Variants in BMPR1B observed in about 807,000 individuals in gnomAD.
BMPR1B encodes the protein bone morphogenetic protein receptor type 1B.
A neutral mutation model predicts 59.1 loss-of-function variants in BMPR1B; 12 were observed. The ratio of observed to expected loss-of-function variants is 0.20; its 90% CI spans 0.13 to 0.33. BMPR1B has a LOEUF of 0.33. Among genes scored for constraint, BMPR1B ranks in the 10% least tolerant of loss-of-function variants. The pLI, the probability that BMPR1B is intolerant of heterozygous loss-of-function variation, is 1.00. For synonymous variants in BMPR1B, 237 were observed against 207.3 expected (o/e 1.14, Z -1.23); for missense variants, 550 against 610.9 (o/e 0.90, Z 1.05).
At chr4:94,841,253 G>A (rs1234685785) in intron 1 of BMPR1B, among the ~76,000 whole-genome samples, 5 of 146,724 alleles carry the variant, frequency 3.4e-5, no homozygotes, top group African/African-American at 1.3e-4. Flanking sequence ...GGAGCCTACA[G>A]AGGCAGGCAG....
intron 2 of BMPR1B, among the ~76,000 whole-genome samples, chr4:94,956,031 G>A (rs1410723918): frequency 6.6e-6 from 1 of 152,108 alleles, no homozygotes; most frequent in Non-Finnish European, 1.5e-5. Context: ...TTATTTAGTT[G>A]TGTTTGTGAT....
chr4:95,112,985 G>T (rs1371995454), intron 4 of BMPR1B, among the ~76,000 whole-genome samples: 2 of 152,004 alleles, frequency 1.3e-5, no homozygotes, highest in African/African-American at 4.8e-5. Context: ...AAATTAGGAT[G>T]ACCATATTTT....
chr4:94,970,318 TTCTC>T (rs1560573205), intron 2 of BMPR1B, among the ~76,000 whole-genome samples: 4 of 130,382 alleles, frequency 3.1e-5, no homozygotes, highest in African/African-American at 5.8e-5. Flanking sequence ...CTCTCTCTCT[TTCTC>T]TCTTTTTCTC....
At chr4:94,827,271 C>T (rs1032267893) in intron 1 of BMPR1B, among the ~76,000 whole-genome samples, 1 of 151,888 alleles carries the variant, frequency 6.6e-6, no homozygotes, top group African/African-American at 2.4e-5. Flanking sequence ...ATATAAAGTT[C>T]GTAATGCCTT....
At chr4:95,103,176 C>T (rs983881550) in intron 3 of BMPR1B, among the ~76,000 whole-genome samples, 4 of 151,604 alleles carry the variant, frequency 2.6e-5, no homozygotes, top group Non-Finnish European at 5.9e-5. Flanking sequence ...CTATTTTTTT[C>T]TGTAAGAATT....
At chr4:95,003,146 C>T (rs1455027497) in intron 3 of BMPR1B, among the ~76,000 whole-genome samples, 2 of 152,050 alleles carry the variant, frequency 1.3e-5, no homozygotes, top group African/African-American at 2.4e-5. Context: ...AATATTTTCT[C>T]AATATCTTTT....
At chr4:94,976,572 G>A (rs143972663) in intron 2 of BMPR1B, among the ~76,000 whole-genome samples, 94 of 152,226 alleles carry the variant, frequency 6.2e-4, no homozygotes, top group African/African-American at 1.7e-3. Context: ...CAAGTTCAGC[G>A]TTTTGTCTTC....
At chr4:94,812,117 TA>T (rs1723840043) in intron 1 of BMPR1B, among the ~76,000 whole-genome samples, 1 of 152,212 alleles carries the variant, frequency 6.6e-6, no homozygotes, top group Admixed American at 6.5e-5. Flanking sequence ...TCTTATTCAT[TA>T]AACAAGCACT....
intron 1 of BMPR1B, among the ~76,000 whole-genome samples, chr4:94,790,208 A>T (rs186487112): frequency 3.9e-4 from 60 of 152,220 alleles, no homozygotes; most frequent in African/African-American, 1.4e-3. Context: ...AGCTGCACAG[A>T]GATTGGTGCC....
chr4:94,952,412 C>A (rs1467917573), intron 2 of BMPR1B, among the ~76,000 whole-genome samples: 1 of 152,082 alleles, frequency 6.6e-6, no homozygotes. Context: ...TATAAATTTC[C>A]CTCTAAACAC....
chr4:94,763,353 T>A (rs1721851445), intron 1 of BMPR1B, among the ~76,000 whole-genome samples: 1 of 152,192 alleles, frequency 6.6e-6, no homozygotes. Context: ...TCCCGCCCCT[T>A]GCAAAGTGCT....
chr4:94,780,430 A>G (rs1288468307), intron 1 of BMPR1B, among the ~76,000 whole-genome samples: 1 of 152,138 alleles, frequency 6.6e-6, no homozygotes, highest in African/African-American at 2.4e-5. Context: ...GTTGATGGAC[A>G]TTTGTGTTGT....
Position 94,840,780 on chromosome 4 carries a change from G to A in BMPR1B, c.-182-35051G>A, listed in dbSNP as rs183850048. ...TCTCAACTTGTCAAAGTCGTTCTCCGTCCAGCTTTGTTCCGTTGCTGGTGA... is the reference window on the plus strand; with the variant it reads ...TCTCAACTTGTCAAAGTCGTTCTCCATCCAGCTTTGTTCCGTTGCTGGTGA... On this transcript the variant is annotated intron_variant, in intron 1 of 12. Coordinates refer to ENST00000515059, the MANE Select transcript of BMPR1B (RefSeq NM_001203.3). Among the ~76,000 whole-genome samples, 1,418 of 148,772 alleles carry A rather than the reference G, an allele frequency of 9.5e-3. 86 individuals carry two copies. The highest frequency in any genetic ancestry group is 0.033 in the African/African-American group (1,339 of 40,352).
At chr4:94,759,014 C>CT (rs1721651315) in intron 1 of BMPR1B, among the ~76,000 whole-genome samples, 1 of 152,210 alleles carries the variant, frequency 6.6e-6, no homozygotes, top group Admixed American at 6.5e-5. Flanking sequence ...GCTCGTCCCT[C>CT]TTTCTGTCCA....
At chr4:94,959,847 TTTA>T (rs751559492) in intron 2 of BMPR1B, among the ~76,000 whole-genome samples, 12 of 152,158 alleles carry the variant, frequency 7.9e-5, no homozygotes, top group African/African-American at 2.9e-4. Flanking sequence ...TTGTGCATTA[TTTA>T]TTATTTTTGA....
At chr4:94,781,226 T>A (rs10023740) in intron 1 of BMPR1B, among the ~76,000 whole-genome samples, 83,060 of 151,352 alleles carry the variant, frequency 0.55, 22,920 homozygotes, top group Middle Eastern at 0.71. Context: ...TCTAAATATA[T>A]GTCTCATAAC....
intron 3 of BMPR1B, among the ~76,000 whole-genome samples, chr4:95,001,319 A>T (rs1160239509): frequency 6.6e-6 from 1 of 151,342 alleles, no homozygotes; most frequent in Non-Finnish European, 1.5e-5. Context: ...GTCTTGTATT[A>T]GACTCCTTTG....
intron 3 of BMPR1B, among the ~76,000 whole-genome samples, chr4:95,053,158 A>C (rs1474917435): frequency 6.6e-6 from 1 of 152,184 alleles, no homozygotes; most frequent in Non-Finnish European, 1.5e-5. Context: ...AATGTGGTAT[A>C]AAATAATGTC....
In BMPR1B at chr4:94,841,467, C is replaced by T. The variant is rs564036029; in HGVS notation, c.-182-34364C>T. On this transcript the variant is annotated intron_variant, in intron 1 of 12. Transcript: ENST00000515059. ...AGGTGTGGGATATAATCTCGTGCTG[C>T]GCTGTTTTTTAAGCCGGTCGGAAAA... Among the ~76,000 whole-genome samples the T allele has an allele frequency of 5.3e-5, 8 of 152,300 alleles. No homozygotes were observed. In the East Asian group the frequency reaches 9.7e-4, roughly 18 times the overall value.
Sources: allele counts gnomAD v4.1 joint callset (sites outside exome capture counted in the v4.1 genomes callset), GRCh38; gene constraint gnomAD v4.1.1; transcripts MANE v1.5; gene names NCBI Gene and HGNC (gene_info 2026-07-23, HGNC 2026-07-21).